HIVEP3: variants seen among roughly 807,000 people sequenced by gnomAD.
The protein encoded by HIVEP3 is transcription factor HIVEP3.
In HIVEP3, 49 loss-of-function variants were observed where a neutral mutation model predicts 152.8. The ratio of observed to expected loss-of-function variants is 0.32; its 90% confidence interval spans 0.26 to 0.41. The LOEUF is 0.41. HIVEP3 is among the 10% of genes least tolerant of loss of function. The probability of loss-of-function intolerance (pLI) is 1.00; values close to 1 mark genes in which losing one functional copy is unlikely to be tolerated. For missense variants in HIVEP3, 2,790 were observed against 3,103.3 expected (o/e 0.90, Z 2.40); for synonymous variants, 1,269 against 1,289.0 (o/e 0.98, Z 0.33).
chr1:41,796,323 G>A (rs1649980099), intron 1 of HIVEP3, among the ~76,000 whole-genome samples: 2 of 152,216 alleles, frequency 1.3e-5, no homozygotes, highest in African/African-American at 2.4e-5. Flanking sequence ...GGGACCACAC[G>A]ACAGCCCCAG....
chr1:41,655,679 A>G (rs1393300088), intron 2 of HIVEP3, among the ~76,000 whole-genome samples: 6 of 150,356 alleles, frequency 4.0e-5, no homozygotes, highest in African/African-American at 1.5e-4. Context: ...ACCCTGCTTC[A>G]TGCTTCTCCA....
chr1:41,793,159 G>C (rs1649795252), intron 1 of HIVEP3, among the ~76,000 whole-genome samples: 1 of 152,224 alleles, frequency 6.6e-6, no homozygotes, highest in Non-Finnish European at 1.5e-5. Context: ...AAGACTTCGG[G>C]TTCTGGGAAC....
intron 1 of HIVEP3, among the ~76,000 whole-genome samples, chr1:41,855,665 C>A (rs1034909162): frequency 1.3e-5 from 2 of 152,204 alleles, no homozygotes; most frequent in Non-Finnish European, 2.9e-5. Context: ...ATTCTCACAA[C>A]ACTTTTCATA....
intron 3 of HIVEP3, among the ~76,000 whole-genome samples, chr1:41,601,121 C>A (rs993843274): frequency 2.0e-5 from 3 of 152,052 alleles, no homozygotes; most frequent in Non-Finnish European, 4.4e-5. Flanking sequence ...ACATGTCTGT[C>A]TTTATGTCAG....
chr1:41,561,830 T>C (rs1345478438), intron 5 of HIVEP3, among the ~76,000 whole-genome samples: 2 of 152,176 alleles, frequency 1.3e-5, no homozygotes, highest in African/African-American at 4.8e-5. Flanking sequence ...TCATTGTTAC[T>C]GTGCATGGGT....
At chr1:41,720,230 A>G (rs1646655499) in intron 1 of HIVEP3, among the ~76,000 whole-genome samples, 1 of 152,054 alleles carries the variant, frequency 6.6e-6, no homozygotes, top group Non-Finnish European at 1.5e-5. Context: ...TCAGGACACC[A>G]CCTCTGAGTG....
chr1:41,805,180 T>C (rs1650528911), intron 1 of HIVEP3, among the ~76,000 whole-genome samples: 1 of 151,782 alleles, frequency 6.6e-6, no homozygotes, highest in Admixed American at 6.6e-5. Context: ...CTACTGAAAA[T>C]ACAAAAATTA....
chr1:41,795,960 G>A (rs12092827), intron 1 of HIVEP3, among the ~76,000 whole-genome samples: 17 of 152,242 alleles, frequency 1.1e-4, no homozygotes, highest in African/African-American at 3.6e-4. Context: ...CTTTTTACTA[G>A]AGAATGGTCT....
At chr1:41,766,043 G>T (rs1490742963) in intron 1 of HIVEP3, among the ~76,000 whole-genome samples, 3 of 152,240 alleles carry the variant, frequency 2.0e-5, no homozygotes, top group Admixed American at 1.3e-4. Context: ...CTGCTGCAGA[G>T]GGCCATCCTC....
At chr1:41,617,097 G>C (rs1374946293) in intron 3 of HIVEP3, among the ~76,000 whole-genome samples, 1 of 152,164 alleles carries the variant, frequency 6.6e-6, no homozygotes, top group Non-Finnish European at 1.5e-5. Flanking sequence ...ACAGAGACAG[G>C]ATCTGTCTCA....
At chr1:41,545,528 TACCATCACCACCACC>T (rs1334717673) in intron 5 of HIVEP3, among the ~76,000 whole-genome samples, 1 of 35,792 alleles carries the variant, frequency 2.8e-5, no homozygotes, top group East Asian at 9.8e-4. Context: ...TCACCACCAC[TACCATCACCACCACC>T]ACCATCACCA....
At chr1:41,939,781 G>C (rs1645036607) in intron 1 of HIVEP3, among the ~76,000 whole-genome samples, 1 of 152,036 alleles carries the variant, frequency 6.6e-6, no homozygotes. Context: ...CAATCTTCTT[G>C]TTTCAGACCT....
intron 1 of HIVEP3, among the ~76,000 whole-genome samples, chr1:41,882,997 C>G (rs783632): frequency 0.87 from 132,045 of 152,098 alleles, 57,642 homozygotes; most frequent in East Asian, 1. Context: ...TGTCTAGGAG[C>G]GGGGAGCCAG....
At chr1:41,762,096 A>G (rs1647723251) in intron 1 of HIVEP3, among the ~76,000 whole-genome samples, 1 of 152,020 alleles carries the variant, frequency 6.6e-6, no homozygotes, top group Non-Finnish European at 1.5e-5. Context: ...CCTTTGTTTT[A>G]GCCTTTTTTG....
intron 5 of HIVEP3, among the ~76,000 whole-genome samples, chr1:41,528,095 C>CCCTCAG (rs1643065584): frequency 7.7e-6 from 1 of 130,314 alleles, no homozygotes; most frequent in Non-Finnish European, 1.6e-5. Context: ...CACACCTTCA[C>CCCTCAG]ACTCACACCC....
intron 1 of HIVEP3, among the ~76,000 whole-genome samples, chr1:41,877,857 C>T (rs1455145689): frequency 6.6e-6 from 1 of 152,140 alleles, no homozygotes; most frequent in Non-Finnish European, 1.5e-5. Context: ...CAACAAATAT[C>T]ATTTGTTTTT....
intron 2 of HIVEP3, among the ~76,000 whole-genome samples, chr1:41,647,730 TCCTCAGCCTCA>T (rs1645482707): frequency 6.6e-6 from 1 of 152,210 alleles, no homozygotes; most frequent in Admixed American, 6.5e-5. Context: ...GAGTCTCCTC[TCCTCAGCCTCA>T]CTGCCTCTGA....
chr1:41,615,776 T>C (rs371186959), intron 3 of HIVEP3, among the ~76,000 whole-genome samples: 5 of 149,088 alleles, frequency 3.4e-5, no homozygotes, highest in African/African-American at 1.2e-4. Context: ...GGACCCACAT[T>C]GTGGAAGCGA....
chr1:41,680,778 C>T (rs1401807737), intron 2 of HIVEP3, among the ~76,000 whole-genome samples: 1 of 152,208 alleles, frequency 6.6e-6, no homozygotes, highest in Non-Finnish European at 1.5e-5. Context: ...ACGTATTGTA[C>T]ACTTGAAATT....
Sources: gnomAD v4.1 joint callset for allele counts (sites outside exome capture counted in the v4.1 genomes callset) on GRCh38, gnomAD v4.1.1 for gene constraint, MANE v1.5 for transcripts, NCBI Gene and HGNC (gene_info 2026-07-23, HGNC 2026-07-21) for gene names.